The following DNAH8 variants were observed in gnomAD, a reference collection of about 807,000 sequenced individuals.
The protein encoded by DNAH8 is dynein axonemal heavy chain 8, also known as axonemal beta dynein heavy chain 8.
A neutral mutation model predicts 562.1 loss-of-function variants in DNAH8; 382 were observed. The observed-to-expected ratio is 0.68, with a 90% CI of 0.63 to 0.74. DNAH8 has a LOEUF of 0.74. DNAH8 is among the 30% of genes least tolerant of loss of function. The probability of loss-of-function intolerance (pLI) is 0.00; values close to 1 mark genes in which losing one functional copy is unlikely to be tolerated. For synonymous variants in DNAH8, 1,881 were observed against 1,919.4 expected (o/e 0.98, Z 0.52); for missense variants, 5,203 against 5,620.4 (o/e 0.93, Z 2.37).
chr6:38,874,367 C>A (rs1583243877), intron 52 of DNAH8, among the ~76,000 whole-genome samples: 1 of 143,322 alleles, frequency 7.0e-6, no homozygotes. Flanking sequence ...TCTTTTCTTT[C>A]CTTTTCTTTC....
intron 82 of DNAH8, among the ~76,000 whole-genome samples, chr6:38,957,559 A>C (rs530391222): frequency 3.3e-4 from 50 of 151,524 alleles, no homozygotes; most frequent in African/African-American, 1.2e-3. Context: ...AACATTCTTG[A>C]GGATAGATCA....
At chr6:38,827,552 T>C (rs550178784) in intron 29 of DNAH8, among the ~76,000 whole-genome samples, 7 of 152,122 alleles carry the variant, frequency 4.6e-5, no homozygotes, top group Non-Finnish European at 7.4e-5. Context: ...ATGACTGTTT[T>C]ATGCTTTCTT....
intron 85 of DNAH8, among the ~76,000 whole-genome samples, chr6:38,975,750 C>T (rs1396807885): frequency 6.6e-6 from 1 of 152,218 alleles, no homozygotes; most frequent in Non-Finnish European, 1.5e-5. Flanking sequence ...GAATTGTTCG[C>T]TTTGCTAGAC....
At chr6:38,842,212 T>G (rs1015239854) in intron 33 of DNAH8, among the ~76,000 whole-genome samples, 156 bp from the exon 34 acceptor site, 43 of 152,232 alleles carry the variant, frequency 2.8e-4, no homozygotes, top group African/African-American at 9.9e-4. Context: ...ACGAAGTCTT[T>G]GTATTGAAAA....
chr6:39,026,756 GT>G, intron 92 of DNAH8, 89 bp downstream of exon 92: 1 of 1,435,750 alleles, frequency 7.0e-7, no homozygotes, highest in Non-Finnish European at 9.5e-7. Context: ...GAGTGCCTTG[GT>G]TAGGTCCATT....
intron 62 of DNAH8, among the ~76,000 whole-genome samples, chr6:38,901,052 AT>A (rs928140494): frequency 7.6e-6 from 1 of 132,036 alleles, no homozygotes; most frequent in African/African-American, 2.8e-5. Flanking sequence ...CCCTTTCTCC[AT>A]TTTTTTTTCA....
chr6:38,745,840 A>G (rs1245682265), intron 8 of DNAH8, among the ~76,000 whole-genome samples: 1 of 152,122 alleles, frequency 6.6e-6, no homozygotes, highest in Non-Finnish European at 1.5e-5. Flanking sequence ...GAATACATTG[A>G]GGTTATGCAT....
chr6:38,884,026 A>T, intron 56 of DNAH8, 28 bp downstream of exon 56: 2 of 1,411,772 alleles, frequency 1.4e-6, no homozygotes. Flanking sequence ...CATATAGATG[A>T]TCCTGAATTT....
intron 8 of DNAH8, among the ~76,000 whole-genome samples, chr6:38,748,671 G>C (rs961542886): frequency 6.6e-6 from 1 of 151,412 alleles, no homozygotes; most frequent in African/African-American, 2.4e-5. Context: ...GGAGAATGGC[G>C]TGAACCCAGG....
intron 75 of DNAH8, among the ~76,000 whole-genome samples, chr6:38,930,949 C>T (rs1007502837): frequency 3.9e-5 from 6 of 152,098 alleles, no homozygotes; most frequent in Non-Finnish European, 7.4e-5. Context: ...CTGTTCTATT[C>T]TCTGCTTCTA....
At chr6:38,801,635 G>A (rs1770786438) in intron 21 of DNAH8, among the ~76,000 whole-genome samples, 1 of 152,192 alleles carries the variant, frequency 6.6e-6, no homozygotes, top group Admixed American at 6.5e-5. Context: ...CCAGTGTTTA[G>A]CACTGCATTG....
chr6:38,917,101 C>A, intron 68 of DNAH8, 138 bp from the exon 69 acceptor site: 1 of 559,608 alleles, frequency 1.8e-6, no homozygotes, highest in Non-Finnish European at 2.9e-6. Flanking sequence ...ATGAAAGAGC[C>A]ACTAAGCAAA....
chr6:38,906,159 G>T, intron 62 of DNAH8, 95 bp from the exon 63 acceptor site: 1 of 638,512 alleles, frequency 1.6e-6, no homozygotes, highest in Non-Finnish European at 2.6e-6. Context: ...CACCCGCCTT[G>T]GCCTCCCAAA....
intron 87 of DNAH8, among the ~76,000 whole-genome samples, chr6:38,989,500 T>C (rs1484735299): frequency 1.3e-5 from 2 of 152,188 alleles, no homozygotes; most frequent in Non-Finnish European, 2.9e-5. Flanking sequence ...CAAAGGAAGC[T>C]CTTCAACTCA....
rs1763499129 is a variant in DNAH8 at position 38,973,822 on chromosome 6, C to CT, written c.12678+10dup. On this transcript the variant is annotated intron_variant, in intron 84 of 92. Coordinates refer to ENST00000327475, the MANE Select transcript of DNAH8 (RefSeq NM_001206927.2). ...CAATTACATTGCTTCAGGTTTGTTA[C>CT]TAAACGTCTTTTCATCGAGAGTCAT... The CT allele has an allele frequency of 6.3e-7, 1 of 1,586,956 alleles. No homozygotes were observed. The highest frequency in any genetic ancestry group is 1.9e-5 in the Admixed American group (1 of 53,088).
rs545103192 is a variant in DNAH8 at position 38,820,153 on chromosome 6, G to A, written c.3524-2685G>A. Among the ~76,000 whole-genome samples the A allele has an allele frequency of 3.3e-4, 51 of 152,280 alleles. 1 individual carries two copies. In the South Asian group the frequency reaches 5.8e-3, roughly 17 times the overall value. On this transcript the variant is annotated intron_variant, in intron 26 of 92. Transcript: ENST00000327475. ...ATTGGTGTTGAAGAAAAGCAAGGTA[G>A]GGGGTCCTGCCCTGCCAAATAGCAA...
At chr6:38,754,277 C>T (rs1264952410) in intron 9 of DNAH8, among the ~76,000 whole-genome samples, 1 of 152,106 alleles carries the variant, frequency 6.6e-6, no homozygotes, top group Non-Finnish European at 1.5e-5. Flanking sequence ...TTGATGCCAT[C>T]CCTGAGCCCT....
In DNAH8 at chr6:38,922,956, A is replaced by G. The variant is rs1020303586; in HGVS notation, c.10663-102A>G. 16 of 1,235,914 alleles carry G rather than the reference A, an allele frequency of 1.3e-5. No homozygotes were observed. In the African/African-American group the frequency reaches 2.4e-4, roughly 19 times the overall value. 76.6% of individuals were successfully genotyped at this position (1,235,914 alleles called of 1,614,324 possible). On this transcript the variant is annotated intron_variant, in intron 71 of 92. Transcript: ENST00000327475. ...TATTTTTAGGTTATATTATTTTGCA[A>G]AGTAAGAAATTCCCCCATGTATTTT...
chr6:38,808,991 A>G (rs1771552239), intron 24 of DNAH8, among the ~76,000 whole-genome samples: 1 of 152,082 alleles, frequency 6.6e-6, no homozygotes, highest in Admixed American at 6.5e-5. Flanking sequence ...CCTAATGTAG[A>G]TGACGGGTTG....
Sources: allele counts gnomAD v4.1 joint callset (sites outside exome capture counted in the v4.1 genomes callset), GRCh38; gene constraint gnomAD v4.1.1; transcripts MANE v1.5; gene names NCBI Gene and HGNC (gene_info 2026-07-23, HGNC 2026-07-21).